Variants in ARHGEF26 observed in about 807,000 individuals in gnomAD.
ARHGEF26 encodes Rho guanine nucleotide exchange factor 26, also known as Rho guanine nucleotide exchange factor (GEF) 26.
ARHGEF26 carries 59 observed loss-of-function variants against 89.4 expected under a neutral mutation model. The observed-to-expected ratio is 0.66, with a 90% CI of 0.54 to 0.82. ARHGEF26 has a LOEUF of 0.82. ARHGEF26 is among the 40% of genes least tolerant of loss of function. The probability of loss-of-function intolerance (pLI) is 0.00; values close to 1 mark genes in which losing one functional copy is unlikely to be tolerated. For missense variants in ARHGEF26, 1,234 were observed against 1,085.6 expected (o/e 1.14, Z -1.92); for synonymous variants, 500 against 428.4 (o/e 1.17, Z -2.06).
Position 154,205,809 on chromosome 3 carries a change from G to T in ARHGEF26, c.1845+11091G>T, listed in dbSNP as rs371958877. 7.9e-4 allele frequency among the ~76,000 whole-genome samples: 120 copies of T among 152,140 alleles called. 1 individual carries two copies. Among genetic ancestry groups the T allele is most frequent in the Middle Eastern group, 3.4e-3 (1 of 294 alleles). ...TTGTACCCCCACTTTTAATCATTTTGTTGTTTCTGTTTATATCTTATTGTA... is the reference window on the plus strand; with the variant it reads ...TTGTACCCCCACTTTTAATCATTTTTTTGTTTCTGTTTATATCTTATTGTA... On this transcript the variant is annotated intron_variant, in intron 9 of 14. Transcript: ENST00000465093.
In ARHGEF26 at chr3:154,254,801, T is replaced by C. The variant is rs1174226096; in HGVS notation, c.2450T>C (p.Leu817Pro). ...ELSLQVADVV[L>P]IYQRVSDGWY... The stretch of plus-strand genomic sequence containing the variant: ...TCCCTGCAGGTGGCTGACGTCGTCC[T>C]CATCTATCAACGTGTCAGCGATGGT... The change falls in exon 14 of 15, where the codon CTC becomes CCC. Residue 817 changes from leucine to proline, a missense_variant. Physicochemically the swap from Leu to Pro is moderately conservative, Grantham distance 98 (BLOSUM62 -3). Transcript: ENST00000465093. 1 of 1,613,716 alleles carries C rather than the reference T, an allele frequency of 6.2e-7. No individual in the cohort carries two copies. Among genetic ancestry groups the C allele is most frequent in the Non-Finnish European group, 8.5e-7 (1 of 1,179,818 alleles).
intron 6 of ARHGEF26, among the ~76,000 whole-genome samples, chr3:154,178,947 C>T (rs1268511764): frequency 6.6e-6 from 1 of 152,150 alleles, no homozygotes; most frequent in African/African-American, 2.4e-5. Context: ...CCTAGTGGTT[C>T]TCTTGTTACT....
chr3:154,133,992 T>G (rs1161660717), intron 4 of ARHGEF26, among the ~76,000 whole-genome samples: 1 of 152,122 alleles, frequency 6.6e-6, no homozygotes, highest in African/African-American at 2.4e-5. Flanking sequence ...GGCTCTTGGC[T>G]TGACTGTTGT....
At chr3:154,206,483 A>G (rs955618398) in intron 9 of ARHGEF26, among the ~76,000 whole-genome samples, 21 of 152,202 alleles carry the variant, frequency 1.4e-4, no homozygotes, top group African/African-American at 5.1e-4. Context: ...GCGATCCAAG[A>G]GCTAAATCAT....
At chr3:154,192,813 A>T (rs1714033743) in intron 8 of ARHGEF26, among the ~76,000 whole-genome samples, 1 of 152,196 alleles carries the variant, frequency 6.6e-6, no homozygotes, top group Admixed American at 6.5e-5. Flanking sequence ...CTTCTTCTGA[A>T]AATGCATTTT....
intron 13 of ARHGEF26, among the ~76,000 whole-genome samples, chr3:154,254,345 C>A (rs1718347288): frequency 6.6e-6 from 1 of 152,178 alleles, no homozygotes; most frequent in Non-Finnish European, 1.5e-5. Context: ...TGATGAGAGC[C>A]AGGAGAACTG....
intron 10 of ARHGEF26, among the ~76,000 whole-genome samples, chr3:154,224,837 A>C (rs1215457198): frequency 6.6e-6 from 1 of 152,224 alleles, no homozygotes; most frequent in Non-Finnish European, 1.5e-5. Flanking sequence ...AAAGCTCTTT[A>C]TAAAGTTTAA....
At position 154,122,287 on chromosome 3, in the gene ARHGEF26, C is replaced by G; in HGVS notation, c.295C>G (p.Pro99Ala). ...RAVANGGTAS[P>A]EYRAASPRLR... is the part of the protein sequence containing the mutation. ...GGTGGCCAATGGTGGGACGGCATCCCCGGAGTACAGGGCTGCCTCTCCTCG... is the reference window on the plus strand; with the variant it reads ...GGTGGCCAATGGTGGGACGGCATCCGCGGAGTACAGGGCTGCCTCTCCTCG... The change falls in exon 2 of 15, where the codon CCG becomes GCG. Residue 99 changes from proline (P) to alanine (A), a missense_variant. Pro to Ala is a conservative substitution (Grantham distance 27). Transcript: ENST00000465093. 6.2e-7 allele frequency: 1 copy of G among 1,612,646 alleles called. No individual in the cohort carries two copies. The highest frequency in any genetic ancestry group is 8.5e-7 in the Non-Finnish European group (1 of 1,179,782).
Position 154,256,415 on chromosome 3 carries a change from G to T in ARHGEF26, c.*942G>T. 2.6e-6 allele frequency: 2 copies of T among 762,598 alleles called. No homozygotes were observed. Among genetic ancestry groups the T allele is most frequent in the Non-Finnish European group, 3.2e-6 (2 of 628,286 alleles). 47.2% of individuals were successfully genotyped at this position (762,598 alleles called of 1,614,324 possible). A position where few individuals can be genotyped will look rare whatever the true frequency, so the allele number is the denominator to read the frequency against. ...TTTTTGTATTTTTAGTAGAGACAGGGTTTCATCATGTTGGCCAGGATGGTC... is the reference window on the plus strand; with the variant it reads ...TTTTTGTATTTTTAGTAGAGACAGGTTTTCATCATGTTGGCCAGGATGGTC... On this transcript the variant is annotated 3_prime_UTR_variant, in exon 15 of 15. Transcript: ENST00000465093.
chr3:154,122,777 G>A lies in ARHGEF26; in HGVS notation c.785G>A (p.Ser262Asn). 1.2e-6 allele frequency: 2 copies of A among 1,611,054 alleles called. No homozygotes were observed. Among genetic ancestry groups the A allele is most frequent in the Admixed American group, 1.7e-5 (1 of 59,498 alleles). The change falls in exon 2 of 15, where the codon AGT (serine) becomes AAT (asparagine). Residue 262 changes from serine to asparagine, a missense_variant. Ser to Asn is a conservative substitution (Grantham distance 46). Transcript: ENST00000465093. Reference sequence around the variant, plus strand: ...AGTCTGGCCTCGGAAATTAAAATAAGTAAATCCAACAATCAAAATGTGGAG... The same window carrying A: ...AGTCTGGCCTCGGAAATTAAAATAAATAAATCCAACAATCAAAATGTGGAG... ...PKSLASEIKI[S>N]KSNNQNVEPH...
chr3:154,220,898 A>G (rs569163396), intron 10 of ARHGEF26, among the ~76,000 whole-genome samples: 1 of 152,276 alleles, frequency 6.6e-6, no homozygotes, highest in South Asian at 2.1e-4. Flanking sequence ...AAACTGGAGA[A>G]AAAAATAGTT....
chr3:154,250,023 G>C (rs1401701113), intron 12 of ARHGEF26, among the ~76,000 whole-genome samples: 1 of 152,056 alleles, frequency 6.6e-6, no homozygotes, highest in Admixed American at 6.5e-5. Flanking sequence ...AGCTGGGGGA[G>C]CTCCTTAGCA....
chr3:154,239,023 A>G (rs357503), intron 11 of ARHGEF26, among the ~76,000 whole-genome samples: 102,937 of 151,866 alleles, frequency 0.68, 35,273 homozygotes, highest in South Asian at 0.76. Context: ...AAGAAAGGCC[A>G]TGCTGGTTAG....
rs36125481 is a variant in ARHGEF26 at position 154,223,975 on chromosome 3, GAA to G, written c.1936-1871_1936-1870del. Among the ~76,000 whole-genome samples the G allele has an allele frequency of 1.5e-4, 23 of 150,038 alleles. 1 individual carries two copies. Among genetic ancestry groups the G allele is most frequent in the South Asian group, 2.1e-4 (1 of 4,740 alleles). ...TAGCTTTCTAGGATGCCAGGTAATA[GAA>G]AAAAAAAAATGAAATGTCTGTGCTC... On this transcript the variant is annotated intron_variant, in intron 10 of 14. Coordinates refer to ENST00000465093, the MANE Select transcript of ARHGEF26 (RefSeq NM_015595.4).
At chr3:154,158,895 G>A (rs1711512160) in intron 6 of ARHGEF26, among the ~76,000 whole-genome samples, 4 of 151,948 alleles carry the variant, frequency 2.6e-5, no homozygotes, top group Non-Finnish European at 5.9e-5. Context: ...ACCTATAAAT[G>A]TGATTAACTT....
intron 3 of ARHGEF26, among the ~76,000 whole-genome samples, chr3:154,124,780 A>G (rs1040874423): frequency 2.6e-5 from 4 of 152,158 alleles, no homozygotes; most frequent in African/African-American, 9.7e-5. Context: ...TGATTTTGGC[A>G]TTTAGATCTG....
intron 6 of ARHGEF26, among the ~76,000 whole-genome samples, chr3:154,167,650 T>C (rs1712130423): frequency 6.6e-6 from 1 of 152,178 alleles, no homozygotes; most frequent in Admixed American, 6.5e-5. Context: ...TTAGCTACAA[T>C]ATGAAAATTT....
intron 6 of ARHGEF26, among the ~76,000 whole-genome samples, chr3:154,185,410 C>T (rs1713463004): frequency 6.6e-6 from 1 of 152,078 alleles, no homozygotes; most frequent in African/African-American, 2.4e-5. Context: ...CACAATCCAC[C>T]CCTATTTCAG....
intron 12 of ARHGEF26, among the ~76,000 whole-genome samples, chr3:154,243,552 A>G (rs756254924): frequency 1.3e-5 from 2 of 152,176 alleles, no homozygotes; most frequent in East Asian, 1.9e-4. Flanking sequence ...AATCTTGCCA[A>G]AGACTGAATG....
Sources: gnomAD v4.1 joint callset for allele counts (sites outside exome capture counted in the v4.1 genomes callset) on GRCh38, gnomAD v4.1.1 for gene constraint, MANE v1.5 for transcripts, NCBI Gene and HGNC (gene_info 2026-07-23, HGNC 2026-07-21) for gene names.